SCAI: variants seen among roughly 807,000 people sequenced by gnomAD.
The protein encoded by SCAI is protein SCAI.
SCAI carries 24 observed loss-of-function variants against 92.2 expected under a neutral mutation model. That is an observed-to-expected ratio of 0.26 (90% CI 0.19 to 0.37). SCAI has a LOEUF of 0.37. Among genes scored for constraint, SCAI ranks in the 10% least tolerant of loss-of-function variants. SCAI has a pLI of 1.00. For synonymous variants in SCAI, 261 were observed against 258.6 expected (o/e 1.01, Z -0.09); for missense variants, 450 against 736.2 (o/e 0.61, Z 4.50).
At chr9:125,026,451 T>C (rs1202536503) in intron 6 of SCAI, among the ~76,000 whole-genome samples, 1 of 152,078 alleles carries the variant, frequency 6.6e-6, no homozygotes, top group Non-Finnish European at 1.5e-5. Flanking sequence ...ACATGACAGT[T>C]GTCACCAGGC....
Position 125,003,576 on chromosome 9 carries a change from A to AT in SCAI, c.862-7_862-6insA. 4 of 1,577,006 alleles carry AT rather than the reference A, an allele frequency of 2.5e-6. No individual in the cohort carries two copies. The highest frequency in any genetic ancestry group is 1.1e-5 in the South Asian group (1 of 88,412). On this transcript the variant is annotated splice_region_variant and splice_polypyrimidine_tract_variant and intron_variant, in intron 9 of 17. Transcript: ENST00000336505. Reference sequence around the variant, plus strand: ...GTTAGTTCACTGAACTTAACCTGCAAGAAAAAAAAAAACAAACACAACCTA... The same window carrying AT: ...GTTAGTTCACTGAACTTAACCTGCAATGAAAAAAAAAAACAAACACAACCTA...
intron 17 of SCAI, among the ~76,000 whole-genome samples, chr9:124,955,614 C>G (rs1445301566): frequency 6.6e-6 from 1 of 151,018 alleles, no homozygotes; most frequent in Non-Finnish European, 1.5e-5. Flanking sequence ...GAGTGAGACT[C>G]TGTCTCAAAA....
chr9:125,106,669 A>G (rs1010342257), intron 2 of SCAI, among the ~76,000 whole-genome samples: 1 of 151,972 alleles, frequency 6.6e-6, no homozygotes, highest in Non-Finnish European at 1.5e-5. Flanking sequence ...TCAAAGAGAA[A>G]TCAAAAATGG....
intron 3 of SCAI, among the ~76,000 whole-genome samples, chr9:125,040,105 A>G (rs1303276986): frequency 1.3e-5 from 2 of 152,228 alleles, no homozygotes; most frequent in African/African-American, 2.4e-5. Context: ...CTATAATCCC[A>G]GCACTTTGGG....
intron 17 of SCAI, 141 bp downstream of exon 17, chr9:124,971,229 G>A: frequency 4.2e-6 from 2 of 478,806 alleles, no homozygotes; most frequent in South Asian, 4.8e-5. Context: ...CAGTGTGACG[G>A]TACATTTGTA....
intron 2 of SCAI, among the ~76,000 whole-genome samples, chr9:125,058,960 C>T (rs76173750): frequency 0.013 from 1,909 of 152,192 alleles, 101 homozygotes; most frequent in Admixed American, 0.082. Context: ...TTATAACCTA[C>T]TGAACAAAAT....
intron 14 of SCAI, among the ~76,000 whole-genome samples, chr9:124,982,294 T>A (rs1019444598): frequency 6.6e-6 from 1 of 152,294 alleles, no homozygotes; most frequent in South Asian, 2.1e-4. Context: ...TACAAGTATT[T>A]TGTGGCCTAA....
At chr9:125,025,493 G>A (rs919117192) in intron 6 of SCAI, among the ~76,000 whole-genome samples, 1 of 152,130 alleles carries the variant, frequency 6.6e-6, no homozygotes, top group African/African-American at 2.4e-5. Flanking sequence ...CTGCTTATAT[G>A]TATTTTTAAT....
At chr9:125,011,071 C>T in intron 9 of SCAI, among the ~76,000 whole-genome samples, 1 of 152,116 alleles carries the variant, frequency 6.6e-6, no homozygotes, top group Non-Finnish European at 1.5e-5. Flanking sequence ...GATAAAACCA[C>T]AAAGATGGGG....
At chr9:125,053,854 C>T (rs551013457) in intron 3 of SCAI, among the ~76,000 whole-genome samples, 4 of 152,160 alleles carry the variant, frequency 2.6e-5, no homozygotes, top group Admixed American at 1.3e-4. Context: ...AAATGGGGTC[C>T]GAGCTATTAT....
At chr9:125,081,900 C>A (rs1056816318) in intron 2 of SCAI, among the ~76,000 whole-genome samples, 2 of 152,072 alleles carry the variant, frequency 1.3e-5, no homozygotes, top group Non-Finnish European at 2.9e-5. Context: ...GGAAGAAGAA[C>A]ATAAAAGTTT....
chr9:125,035,287 C>T (rs928196454), intron 3 of SCAI, among the ~76,000 whole-genome samples: 5 of 151,754 alleles, frequency 3.3e-5, no homozygotes, highest in African/African-American at 4.8e-5. Flanking sequence ...TCCAGGAGGT[C>T]GGGACTGCAG....
intron 17 of SCAI, among the ~76,000 whole-genome samples, chr9:124,960,728 T>C (rs145551252): frequency 2.0e-5 from 3 of 152,300 alleles, no homozygotes; most frequent in South Asian, 2.1e-4. Flanking sequence ...CTTGTACAAA[T>C]TGACAAAGGT....
chr9:125,060,166 A>C (rs1458808751), intron 2 of SCAI, among the ~76,000 whole-genome samples: 1 of 152,036 alleles, frequency 6.6e-6, no homozygotes, highest in Non-Finnish European at 1.5e-5. Context: ...GCCTTTTGTC[A>C]CTATTTGGCA....
At chr9:125,011,038 C>A (rs1035523955) in intron 9 of SCAI, among the ~76,000 whole-genome samples, 5 of 151,260 alleles carry the variant, frequency 3.3e-5, no homozygotes, top group South Asian at 2.1e-4. Context: ...TCTGTACATC[C>A]CCATCATCAA....
At position 124,949,937 on chromosome 9, in the gene SCAI, C is replaced by T. The variant is rs1470608083; in HGVS notation, c.*2870G>A. 1.3e-5 allele frequency: 2 copies of T among 152,150 alleles called. No individual in the cohort carries two copies. The highest frequency in any genetic ancestry group is 2.9e-5 in the Non-Finnish European group (2 of 68,032). 9.4% of individuals were successfully genotyped at this position (152,150 alleles called of 1,614,324 possible). On this transcript the variant is annotated 3_prime_UTR_variant, in exon 18 of 18. Coordinates refer to ENST00000336505, the MANE Select transcript of SCAI (RefSeq NM_001144877.3). This position sits in a 1 kb window ranked among gnomAD's most constrained non-coding sequence, Gnocchi z 4.0. ...TTTCCTCTCTTTGAAGATTCAAGATCACTTCAGTCCACTTTAGATTTTTAA... is the reference window on the plus strand; with the variant it reads ...TTTCCTCTCTTTGAAGATTCAAGATTACTTCAGTCCACTTTAGATTTTTAA...
chr9:124,992,326 T>TA (rs1181352775), intron 14 of SCAI, among the ~76,000 whole-genome samples: 1 of 152,040 alleles, frequency 6.6e-6, no homozygotes, highest in African/African-American at 2.4e-5. Flanking sequence ...CTAAAAAGAC[T>TA]AAAATTGGTC....
intron 17 of SCAI, among the ~76,000 whole-genome samples, chr9:124,959,269 T>TA (rs1165842786): frequency 2.8e-5 from 4 of 144,466 alleles, no homozygotes; most frequent in African/African-American, 1.0e-4. Context: ...ATAATAAAAT[T>TA]TAAAAAAAAA....
At chr9:125,055,827 A>C in intron 3 of SCAI, 49 bp downstream of exon 3, 1 of 1,508,992 alleles carries the variant, frequency 6.6e-7, no homozygotes, top group South Asian at 1.4e-5. Context: ...CCAGAAAAAA[A>C]ACAAATGCAG....
Sources: gnomAD v4.1 joint callset for allele counts (sites outside exome capture counted in the v4.1 genomes callset) on GRCh38, gnomAD v4.1.1 for gene constraint, Gnocchi (gnomAD v3.1) non-coding constraint, MANE v1.5 for transcripts, NCBI Gene and HGNC (gene_info 2026-07-23, HGNC 2026-07-21) for gene names.